Variants in OSBPL1A observed in about 807,000 individuals in gnomAD.
The protein encoded by OSBPL1A is oxysterol-binding protein-related protein 1.
OSBPL1A carries 80 observed loss-of-function variants against 137.1 expected under a neutral mutation model. The observed-to-expected ratio is 0.58, with a 90% CI of 0.49 to 0.70. The LOEUF (loss-of-function observed/expected upper bound fraction) is 0.70, where lower values mean the gene tolerates loss of function less well. OSBPL1A is among the 30% of genes least tolerant of loss of function. The pLI is 0.00. For missense variants in OSBPL1A, 970 were observed against 1,129.4 expected (o/e 0.86, Z 2.02); for synonymous variants, 365 against 389.7 (o/e 0.94, Z 0.75).
chr18:24,309,556 C>A (rs912461988), intron 13 of OSBPL1A, among the ~76,000 whole-genome samples: 1 of 152,098 alleles, frequency 6.6e-6, no homozygotes, highest in Admixed American at 6.5e-5. Context: ...ATGACTAATT[C>A]CCCTTAGAAT....
At chr18:24,201,919 T>G (rs1013334941) in intron 17 of OSBPL1A, among the ~76,000 whole-genome samples, 1 of 152,124 alleles carries the variant, frequency 6.6e-6, no homozygotes, top group Non-Finnish European at 1.5e-5. Flanking sequence ...TGTTTGCTCA[T>G]AGAGGCCCTC....
chr18:24,192,170 A>G (rs904879068), intron 18 of OSBPL1A, among the ~76,000 whole-genome samples: 4 of 152,064 alleles, frequency 2.6e-5, no homozygotes, highest in African/African-American at 9.7e-5. Context: ...TACCTCCTCA[A>G]ATTTTGTGCT....
Position 24,225,197 on chromosome 18 carries a change from A to C in OSBPL1A, c.1446T>G (p.Asp482Glu). The change falls in exon 17 of 28, where the codon GAT (aspartate) becomes GAG (glutamate). Residue 482 changes from aspartate to glutamate, a missense_variant and splice_region_variant. By Grantham distance (45) the Asp-to-Glu change is conservative (BLOSUM62 2). Around this residue, in one of 2 missense-constraint regions of OSBPL1A, gnomAD observed 647 missense variants for 672.6 expected, o/e 0.96. Coordinates refer to ENST00000319481, the MANE Select transcript of OSBPL1A (RefSeq NM_080597.4). ...TACTCAGGGACCTTTCGGACTCGGA[A>C]TCTGTGGCAGAGCAGGTTCATAGTT... Reference protein sequence around the residue: ...SEDEFYDALSDSESERSLSRL... With the variant: ...SEDEFYDALSESESERSLSRL... 1 of 1,614,040 alleles carries C rather than the reference A, an allele frequency of 6.2e-7. No individual in the cohort carries two copies.
chr18:24,170,474 T>A, intron 23 of OSBPL1A, 21 bp from the exon 24 acceptor site: 3 of 1,613,718 alleles, frequency 1.9e-6, no homozygotes, highest in Non-Finnish European at 2.5e-6. Context: ...AAACTGATGT[T>A]TAGTTAACAA....
At chr18:24,224,972 A>G in intron 17 of OSBPL1A, 70 bp downstream of exon 17, 2 of 1,579,266 alleles carry the variant, frequency 1.3e-6, no homozygotes, top group Non-Finnish European at 1.7e-6. Context: ...CAAGACATAT[A>G]TTTCTTTATG....
chr18:24,246,066 G>A (rs2088872712), intron 15 of OSBPL1A, among the ~76,000 whole-genome samples: 1 of 151,958 alleles, frequency 6.6e-6, no homozygotes, highest in Admixed American at 6.6e-5. Flanking sequence ...ACAAAAATTA[G>A]GCAGGCGTGG....
chr18:24,271,618 C>T lies in OSBPL1A; in HGVS notation c.1281+9224G>A, dbSNP rs1030238297. The T allele has an allele frequency of 4.1e-6, 4 of 985,822 alleles. No individual in the cohort carries two copies. The highest frequency in any genetic ancestry group is 1.2e-4 in the Admixed American group (2 of 16,272). 61.1% of individuals were successfully genotyped at this position (985,822 alleles called of 1,614,324 possible). On this transcript the variant is annotated intron_variant, in intron 15 of 27. Coordinates refer to ENST00000319481, the MANE Select transcript of OSBPL1A (RefSeq NM_080597.4). The surrounding 1 kb of genome is among the most constrained non-coding windows in gnomAD (Gnocchi z 4.0). ...GCCACCGAGCTGCAAATACACCCAC[C>T]TACCTGGGCCAGATCCGAGGACCCC...
chr18:24,254,495 T>A lies in OSBPL1A; in HGVS notation c.1282-15113A>T, dbSNP rs1050420407. Reference sequence around the variant, plus strand: ...TACAGAAAAAGAGAATAATATCAAGTATCTTCTGATCACAATGGAATAAAA... The same window carrying A: ...TACAGAAAAAGAGAATAATATCAAGAATCTTCTGATCACAATGGAATAAAA... On this transcript the variant is annotated intron_variant, in intron 15 of 27. Transcript: ENST00000319481. 8.5e-5 allele frequency among the ~76,000 whole-genome samples: 13 copies of A among 152,284 alleles called. No individual in the cohort carries two copies. In the East Asian group the frequency reaches 2.5e-3, roughly 29 times the overall value.
intron 13 of OSBPL1A, among the ~76,000 whole-genome samples, chr18:24,308,394 A>AT (rs35549968): frequency 1.3e-5 from 2 of 150,768 alleles, no homozygotes; most frequent in South Asian, 2.1e-4. Context: ...AAAAAAAAAA[A>AT]TTTGTTTTTA....
At chr18:24,256,253 C>T (rs757950535) in intron 15 of OSBPL1A, among the ~76,000 whole-genome samples, 19 of 152,080 alleles carry the variant, frequency 1.2e-4, no homozygotes, top group Non-Finnish European at 2.4e-4. Flanking sequence ...AAACTGAATT[C>T]AACAATATGT....
At chr18:24,239,481 T>A in intron 15 of OSBPL1A, 99 bp from the exon 16 acceptor site, 1 of 1,069,982 alleles carries the variant, frequency 9.3e-7, no homozygotes, top group Non-Finnish European at 1.3e-6. Context: ...CCAGTTCAAC[T>A]GCAATATCAG....
intron 15 of OSBPL1A, among the ~76,000 whole-genome samples, chr18:24,256,710 A>C (rs1057110934): frequency 1.3e-5 from 2 of 152,112 alleles, no homozygotes; most frequent in African/African-American, 4.8e-5. Context: ...TTTGTTTGGA[A>C]AAACCTAGAG....
intron 18 of OSBPL1A, among the ~76,000 whole-genome samples, chr18:24,192,541 C>T (rs900872335): frequency 6.6e-6 from 1 of 152,136 alleles, no homozygotes; most frequent in Non-Finnish European, 1.5e-5. Context: ...CATAATCCTG[C>T]TCAAAACAGA....
chr18:24,376,919 G>C (rs1906207124), intron 2 of OSBPL1A, among the ~76,000 whole-genome samples: 1 of 152,252 alleles, frequency 6.6e-6, no homozygotes, highest in African/African-American at 2.4e-5. Context: ...CGGAACTCCA[G>C]CCGGCCCGCA....
Position 24,397,776 on chromosome 18 carries a change from C to A in OSBPL1A, c.-124G>T, listed in dbSNP as rs1010581105. 1.3e-5 allele frequency: 2 copies of A among 152,210 alleles called. No homozygotes were observed. The highest frequency in any genetic ancestry group is 2.9e-5 in the Non-Finnish European group (2 of 68,050). The allele number at this position is 152,210 out of a possible 1,614,324, so 9.4% of individuals were successfully genotyped here. On this transcript the variant is annotated 5_prime_UTR_variant, in exon 1 of 28. Coordinates refer to ENST00000319481, the MANE Select transcript of OSBPL1A (RefSeq NM_080597.4). ...AACTCTGGCTGGCACTCCCCGAGGA[C>A]GCTCGAGCCCGCGTAACGTCTGTCT...
chr18:24,322,030 A>G (rs2090869796), intron 7 of OSBPL1A, among the ~76,000 whole-genome samples: 1 of 152,130 alleles, frequency 6.6e-6, no homozygotes, highest in South Asian at 2.1e-4. Context: ...TAGTGCAGGT[A>G]AAGGATACTG....
chr18:24,360,579 A>T (rs577838040), intron 4 of OSBPL1A, among the ~76,000 whole-genome samples: 2 of 152,244 alleles, frequency 1.3e-5, no homozygotes, highest in Non-Finnish European at 2.9e-5. Flanking sequence ...AAGACAACAG[A>T]TAACAAAATA....
intron 5 of OSBPL1A, among the ~76,000 whole-genome samples, chr18:24,337,778 T>A (rs1040676581): frequency 6.6e-6 from 1 of 151,122 alleles, no homozygotes; most frequent in Non-Finnish European, 1.5e-5. Flanking sequence ...ATATATTATA[T>A]AATATTATGT....
At chr18:24,164,312 T>C (rs1454576591) in intron 27 of OSBPL1A, among the ~76,000 whole-genome samples, 1 of 151,438 alleles carries the variant, frequency 6.6e-6, no homozygotes, top group African/African-American at 2.4e-5. Flanking sequence ...ATGGCAATTA[T>C]TAAAAAGAAA....
Sources: allele counts gnomAD v4.1 joint callset (sites outside exome capture counted in the v4.1 genomes callset), GRCh38; gene constraint gnomAD v4.1.1; regional missense constraint gnomAD v4.1.1; non-coding constraint Gnocchi (gnomAD v3.1); transcripts MANE v1.5; gene names NCBI Gene and HGNC (gene_info 2026-07-23, HGNC 2026-07-21).